The following TTBK2 variants were observed in gnomAD, a reference collection of about 807,000 sequenced individuals.
TTBK2 encodes tau-tubulin kinase 2.
A neutral mutation model predicts 110.8 loss-of-function variants in TTBK2; 28 were observed. The ratio of observed to expected loss-of-function variants is 0.25; its 90% CI spans 0.19 to 0.35. The LOEUF is 0.35. Ranked by LOEUF, TTBK2 falls within the 10% of genes least tolerant of loss-of-function variation. The pLI, the probability that TTBK2 is intolerant of heterozygous loss-of-function variation, is 1.00. For synonymous variants in TTBK2, 532 were observed against 527.3 expected (o/e 1.01, Z -0.12); for missense variants, 1,369 against 1,500.3 (o/e 0.91, Z 1.45).
At chr15:42,911,009 A>C (rs1264296225) in intron 1 of TTBK2, among the ~76,000 whole-genome samples, 2 of 150,260 alleles carry the variant, frequency 1.3e-5, no homozygotes, top group Non-Finnish European at 3.0e-5. Flanking sequence ...GTGCCATTGC[A>C]CTCCAGCCTC....
chr15:42,822,819 T>TAAA (rs1892360713), intron 6 of TTBK2, among the ~76,000 whole-genome samples: 1 of 152,338 alleles, frequency 6.6e-6, no homozygotes, highest in African/African-American at 2.4e-5. Context: ...GTGAGGAAAC[T>TAAA]ATTTTAACAA....
intron 13 of TTBK2, among the ~76,000 whole-genome samples, chr15:42,768,423 T>A (rs552174987): frequency 1.3e-5 from 2 of 152,324 alleles, no homozygotes; most frequent in Non-Finnish European, 2.9e-5. Flanking sequence ...AGTCTCAGGA[T>A]ACAAAATCAA....
chr15:42,920,919 T>C (rs572870916), upstream of TTBK2: 2 of 152,748 alleles, frequency 1.3e-5, no homozygotes, highest in Admixed American at 6.5e-5. Flanking sequence ...GCAGCGTCGG[T>C]TGGCTAGTCC....
At chr15:42,821,248 C>CAGCT (rs1179075831) in intron 6 of TTBK2, among the ~76,000 whole-genome samples, 1 of 152,026 alleles carries the variant, frequency 6.6e-6, no homozygotes, top group Non-Finnish European at 1.5e-5. Flanking sequence ...AATAACAGTA[C>CAGCT]AGCTACCTAA....
chr15:42,838,591 A>G (rs1184072230), intron 4 of TTBK2, among the ~76,000 whole-genome samples: 1 of 152,098 alleles, frequency 6.6e-6, no homozygotes, highest in East Asian at 1.9e-4. Context: ...CAAGGCAGGC[A>G]GACCACCTGA....
intron 13 of TTBK2, among the ~76,000 whole-genome samples, chr15:42,761,522 A>G (rs1054667422): frequency 6.6e-6 from 1 of 152,074 alleles, no homozygotes; most frequent in Non-Finnish European, 1.5e-5. Context: ...AATATCTACA[A>G]ACTATTCATC....
intron 7 of TTBK2, among the ~76,000 whole-genome samples, chr15:42,815,833 T>G: frequency 7.3e-6 from 1 of 137,684 alleles, no homozygotes; most frequent in South Asian, 2.2e-4. Context: ...ACACAGATGT[T>G]CAATCTCTTC....
chr15:42,892,692 A>T (rs1895504854), intron 1 of TTBK2, among the ~76,000 whole-genome samples: 1 of 139,684 alleles, frequency 7.2e-6, no homozygotes, highest in African/African-American at 2.7e-5. Context: ...ATGACAGAGC[A>T]AGACCCTGTC....
intron 13 of TTBK2, among the ~76,000 whole-genome samples, chr15:42,761,677 C>A (rs529568427): frequency 1.3e-5 from 2 of 150,974 alleles, no homozygotes; most frequent in South Asian, 2.1e-4. Flanking sequence ...AAATGGCCAA[C>A]AAATACATGA....
At chr15:42,783,341 G>A in intron 11 of TTBK2, 78 bp downstream of exon 11, 1 of 1,421,830 alleles carries the variant, frequency 7.0e-7, no homozygotes, top group Non-Finnish European at 9.9e-7. Flanking sequence ...TACCAAATCT[G>A]CCTAGCCTTC....
intron 9 of TTBK2, among the ~76,000 whole-genome samples, chr15:42,799,984 A>G (rs1281513719): frequency 1.3e-5 from 2 of 151,992 alleles, no homozygotes; most frequent in Admixed American, 1.3e-4. Flanking sequence ...TCTGGTCTCA[A>G]CTACTTGGGA....
intron 13 of TTBK2, among the ~76,000 whole-genome samples, chr15:42,755,523 A>G (rs1595880202): frequency 6.6e-6 from 1 of 152,306 alleles, no homozygotes; most frequent in Non-Finnish European, 1.5e-5. Flanking sequence ...CACCTAACTA[A>G]TGTCCTGGAA....
Position 42,828,046 on chromosome 15 carries a change from G to A in TTBK2, c.433-14C>T. On this transcript the variant is annotated splice_polypyrimidine_tract_variant and intron_variant, in intron 5 of 14. Transcript: ENST00000267890. ...AGCGAAGTTCGACTAGAAAAATAAA[G>A]AAGGAAAATATATACATTCTTATAA... 6.3e-7 allele frequency: 1 copy of A among 1,586,366 alleles called. No individual in the cohort carries two copies.
chr15:42,842,228 A>G (rs570456734), intron 3 of TTBK2, among the ~76,000 whole-genome samples: 3 of 152,130 alleles, frequency 2.0e-5, no homozygotes, highest in South Asian at 2.1e-4. Flanking sequence ...ATGAGCAAAA[A>G]TAAGAGTCCC....
intron 1 of TTBK2, among the ~76,000 whole-genome samples, chr15:42,890,264 C>T (rs186089722): frequency 1.2e-4 from 18 of 152,330 alleles, no homozygotes; most frequent in Admixed American, 1.1e-3. Context: ...ACTCTCTTTT[C>T]GGACTCAGCC....
At chr15:42,866,405 TCAAA>T (rs1894374463) in intron 3 of TTBK2, among the ~76,000 whole-genome samples, 1 of 152,078 alleles carries the variant, frequency 6.6e-6, no homozygotes. Flanking sequence ...CAACAGAGCT[TCAAA>T]CTACATGAGG....
At position 42,783,580 on chromosome 15, in the gene TTBK2, C is replaced by T. The variant is rs1230521886; in HGVS notation, c.1036G>A (p.Val346Ile). Reference sequence around the variant, plus strand: ...TCGCTAAGCTGTTCATCTGGAAATACCTCATCTGTATTTTCTCGAAGCAAG... The same window carrying T: ...TCGCTAAGCTGTTCATCTGGAAATATCTCATCTGTATTTTCTCGAAGCAAG... The part of the protein sequence containing the change: ...GDLLRENTDE[V>I]FPDEQLSDGE... Residue 346 changes from valine (V) to isoleucine (I), a missense_variant, in exon 11 of 15, where the codon GTA becomes ATA. Physicochemically the swap from Val to Ile is conservative, Grantham distance 29. This residue lies in a region of TTBK2 where 1,097 missense variants were observed against 1,114.7 expected (regional missense o/e 0.98). Coordinates refer to ENST00000267890, the MANE Select transcript of TTBK2 (RefSeq NM_173500.4). 6.2e-7 allele frequency: 1 copy of T among 1,614,038 alleles called. No individual in the cohort carries two copies. Among genetic ancestry groups the T allele is most frequent in the Non-Finnish European group, 8.5e-7 (1 of 1,180,012 alleles).
chr15:42,910,802 T>C (rs2030706164), intron 1 of TTBK2, among the ~76,000 whole-genome samples: 1 of 152,074 alleles, frequency 6.6e-6, no homozygotes, highest in South Asian at 2.1e-4. Context: ...TCCCAGCACT[T>C]TGGGAGGCCG....
At chr15:42,899,146 C>A (rs1031377961) in intron 1 of TTBK2, among the ~76,000 whole-genome samples, 4 of 151,646 alleles carry the variant, frequency 2.6e-5, no homozygotes, top group African/African-American at 9.7e-5. Context: ...GCACATGTCA[C>A]CTTGCCTGGC....
Sources: allele counts gnomAD v4.1 joint callset (sites outside exome capture counted in the v4.1 genomes callset), GRCh38; gene constraint gnomAD v4.1.1; regional missense constraint gnomAD v4.1.1; transcripts MANE v1.5; gene names NCBI Gene and HGNC (gene_info 2026-07-23, HGNC 2026-07-21).